Variants in NTM observed in about 807,000 individuals in gnomAD.
NTM encodes the protein neurotrimin, also known as IgLON family member 2.
Under a neutral mutation model 42.1 loss-of-function variants are expected in NTM, and 13 were observed. The observed-to-expected ratio is 0.31, with a 90% CI of 0.20 to 0.49. The LOEUF is 0.49. Among genes scored for constraint, NTM ranks in the 20% least tolerant of loss-of-function variants. NTM has a pLI of 0.99. For missense variants in NTM, 373 were observed against 452.8 expected (o/e 0.82, Z 1.60); for synonymous variants, 187 against 179.2 (o/e 1.04, Z -0.35).
At chr11:131,662,471 G>T (rs1446931230) in intron 1 of NTM, 1 of 152,236 alleles carries the variant, frequency 6.6e-6, no homozygotes, top group African/African-American at 2.4e-5. Context: ...CCGAGCAAGG[G>T]CTTTACACCA....
At chr11:131,670,004 G>A (rs192690152) in intron 1 of NTM, among the ~76,000 whole-genome samples, 61 of 152,318 alleles carry the variant, frequency 4.0e-4, no homozygotes, top group South Asian at 1.0e-3. Flanking sequence ...CGGAGGCTGG[G>A]AGCTGCTTTT....
intron 1 of NTM, among the ~76,000 whole-genome samples, chr11:131,718,688 A>G (rs1051542208): frequency 5.9e-5 from 9 of 151,992 alleles, no homozygotes; most frequent in Non-Finnish European, 1.2e-4. Flanking sequence ...AGATCTCAGG[A>G]GTTCTCTGTG....
intron 2 of NTM, among the ~76,000 whole-genome samples, chr11:132,116,868 T>A (rs1480949894): frequency 1.3e-5 from 2 of 152,184 alleles, no homozygotes; most frequent in African/African-American, 4.8e-5. Context: ...ATTAAAATAA[T>A]ATGAGTGAAT....
chr11:131,878,612 T>A (rs1361469460), intron 1 of NTM, among the ~76,000 whole-genome samples: 408 of 9,842 alleles, frequency 0.041, 96 homozygotes, highest in East Asian at 0.12. Context: ...TATATATATA[T>A]ATATATATAT....
In NTM at chr11:131,616,255, G is replaced by A. The variant is rs145603638; in HGVS notation, c.82+245367G>A. Among the ~76,000 whole-genome samples the A allele has an allele frequency of 6.6e-5, 10 of 152,302 alleles. No individual in the cohort carries two copies. The East Asian group carries it at 1.5e-3, about 24-fold the overall frequency. On this transcript the variant is annotated intron_variant, in intron 1 of 8. Transcript: ENST00000683400. ...TGTCCCGTGCCACCTCCCAGGGCAG[G>A]TCCCTTTCTCCTTCCTCACCCAAGA...
At chr11:131,796,646 TAG>T (rs1243324331) in intron 1 of NTM, among the ~76,000 whole-genome samples, 1 of 152,024 alleles carries the variant, frequency 6.6e-6, no homozygotes, top group Non-Finnish European at 1.5e-5. Context: ...CAAGGCAGCA[TAG>T]AGAGGGTGCA....
intron 7 of NTM, chr11:132,317,737 C>A (rs753348175): frequency 2.6e-6 from 3 of 1,139,932 alleles, no homozygotes; most frequent in Non-Finnish European, 3.6e-6. Context: ...TCCCTCTATC[C>A]CAGAGGCCCC....
intron 4 of NTM, among the ~76,000 whole-genome samples, chr11:132,305,929 A>G (rs2095061717): frequency 6.6e-6 from 1 of 152,162 alleles, no homozygotes; most frequent in Non-Finnish European, 1.5e-5. Context: ...TTGTGAATTT[A>G]GTATCTCTTT....
intron 2 of NTM, among the ~76,000 whole-genome samples, chr11:131,955,430 C>T (rs1269600663): frequency 6.6e-6 from 1 of 152,106 alleles, no homozygotes; most frequent in African/African-American, 2.4e-5. Flanking sequence ...CTTCCCTCTC[C>T]TTGGAGAGGA....
intron 1 of NTM, among the ~76,000 whole-genome samples, chr11:131,881,525 C>T (rs1284340061): frequency 1.5e-5 from 2 of 131,086 alleles, no homozygotes; most frequent in Non-Finnish European, 3.4e-5. Context: ...AAAGCTTTGA[C>T]GCAGAGGAGC....
chr11:131,553,757 C>A (rs1446650304), intron 1 of NTM, among the ~76,000 whole-genome samples: 1 of 152,162 alleles, frequency 6.6e-6, no homozygotes, highest in Non-Finnish European at 1.5e-5. Context: ...CTCAGAGGGA[C>A]CCTCCCGAAA....
chr11:132,021,146 G>A (rs11602062), intron 2 of NTM, among the ~76,000 whole-genome samples: 49,923 of 151,742 alleles, frequency 0.33, 9,271 homozygotes, highest in East Asian at 0.82. Flanking sequence ...CTGTCATCTC[G>A]AATCTGCTGT....
chr11:131,458,287 G>T (rs193049779), intron 1 of NTM, among the ~76,000 whole-genome samples: 34 of 152,278 alleles, frequency 2.2e-4, no homozygotes, highest in Non-Finnish European at 3.2e-4. Flanking sequence ...GAGACTGCTG[G>T]GTTTGGCTAT....
At chr11:132,262,342 T>C (rs1334801561) in intron 4 of NTM, among the ~76,000 whole-genome samples, 1 of 152,224 alleles carries the variant, frequency 6.6e-6, no homozygotes, top group Non-Finnish European at 1.5e-5. Context: ...GGTGGGACTT[T>C]TGGCCATTTT....
intron 1 of NTM, among the ~76,000 whole-genome samples, chr11:131,472,876 C>CA (rs1484161903): frequency 6.6e-6 from 1 of 152,048 alleles, no homozygotes; most frequent in Non-Finnish European, 1.5e-5. Flanking sequence ...CACTACCCCC[C>CA]AGAGATTGAG....
intron 1 of NTM, among the ~76,000 whole-genome samples, chr11:131,557,055 C>CT (rs970811707): frequency 6.6e-6 from 1 of 151,946 alleles, no homozygotes; most frequent in Non-Finnish European, 1.5e-5. Context: ...TGATTTGTAA[C>CT]TTTTTTTCTT....
At chr11:131,968,955 G>C (rs2063191235) in intron 2 of NTM, among the ~76,000 whole-genome samples, 1 of 152,152 alleles carries the variant, frequency 6.6e-6, no homozygotes, top group Non-Finnish European at 1.5e-5. Flanking sequence ...TAGGCAAGGG[G>C]ATGCTACCTC....
At chr11:132,323,281 A>G (rs2095609471) in intron 7 of NTM, among the ~76,000 whole-genome samples, 2 of 151,978 alleles carry the variant, frequency 1.3e-5, no homozygotes, top group South Asian at 2.1e-4. Flanking sequence ...ATAGACCGCT[A>G]GCAAGACTAA....
At chr11:131,876,392 G>A (rs1468460959) in intron 1 of NTM, among the ~76,000 whole-genome samples, 1 of 152,212 alleles carries the variant, frequency 6.6e-6, no homozygotes, top group African/African-American at 2.4e-5. Flanking sequence ...ACCACATTCA[G>A]ACTCTCTGGC....
Sources: allele counts gnomAD v4.1 joint callset (sites outside exome capture counted in the v4.1 genomes callset), GRCh38; gene constraint gnomAD v4.1.1; transcripts MANE v1.5; gene names NCBI Gene and HGNC (gene_info 2026-07-23, HGNC 2026-07-21).